The following KIAA1217 variants were observed in gnomAD, a reference collection of about 807,000 sequenced individuals.
The protein encoded by KIAA1217 is KIAA1217.
KIAA1217 carries 88 observed loss-of-function variants against 163.9 expected under a neutral mutation model. The observed-to-expected ratio is 0.54, with a 90% CI of 0.45 to 0.64. KIAA1217 has a LOEUF of 0.64. KIAA1217 is among the 30% of genes least tolerant of loss of function. KIAA1217 has a pLI of 0.00. For missense variants in KIAA1217, 2,372 were observed against 2,475.0 expected (o/e 0.96, Z 0.88); for synonymous variants, 903 against 923.1 (o/e 0.98, Z 0.39).
At chr10:24,225,195 A>G (rs1056961166) in intron 2 of KIAA1217, among the ~76,000 whole-genome samples, 1 of 152,156 alleles carries the variant, frequency 6.6e-6, no homozygotes, top group Non-Finnish European at 1.5e-5. Context: ...GCGTGATCAC[A>G]GCTCACTGCA....
At position 23,834,416 on chromosome 10, in the gene KIAA1217, C is replaced by T. The variant is rs112942547; in HGVS notation, c.-321+139182C>T. 5.2e-3 allele frequency among the ~76,000 whole-genome samples: 791 copies of T among 152,196 alleles called. 11 individuals carry two copies. The highest frequency in any genetic ancestry group is 0.017 in the African/African-American group (714 of 41,510). Reference sequence around the variant, plus strand: ...TACTTTTATAATATTTATTGAGTTACCAGTATATTCTAGGCATTATTCTAA... The same window carrying T: ...TACTTTTATAATATTTATTGAGTTATCAGTATATTCTAGGCATTATTCTAA... On this transcript the variant is annotated intron_variant, in intron 1 of 18. Transcript: ENST00000376462.
chr10:24,513,196 C>A, intron 9 of KIAA1217, 63 bp from the exon 10 acceptor site: 1 of 1,523,814 alleles, frequency 6.6e-7, no homozygotes, highest in Non-Finnish European at 9.0e-7. Context: ...GACTTCAAGG[C>A]ATTCACTCGC....
intron 1 of KIAA1217, among the ~76,000 whole-genome samples, chr10:23,784,202 T>C (rs1303277796): frequency 2.0e-5 from 3 of 152,180 alleles, no homozygotes; most frequent in African/African-American, 7.2e-5. Flanking sequence ...TCTTTGTTTC[T>C]TGTGACAATT....
chr10:24,445,169 G>A (rs1397758415), intron 5 of KIAA1217, among the ~76,000 whole-genome samples: 2 of 152,062 alleles, frequency 1.3e-5, no homozygotes, highest in South Asian at 4.1e-4. Flanking sequence ...CGTTTTCACA[G>A]GTGATAAAAC....
At position 24,532,005 on chromosome 10, in the gene KIAA1217, T is replaced by C. The variant is rs768313755; in HGVS notation, c.3246+12T>C. The C allele has an allele frequency of 8.1e-6, 12 of 1,489,124 alleles. No individual in the cohort carries two copies. The highest frequency in any genetic ancestry group is 1.1e-5 in the Non-Finnish European group (12 of 1,108,978). The allele number at this position is 1,489,124 out of a possible 1,614,324, so 92.2% of individuals were successfully genotyped here. A position where few individuals can be genotyped will look rare whatever the true frequency, so the allele number is the denominator to read the frequency against. On this transcript the variant is annotated intron_variant, in intron 15 of 20. Coordinates refer to ENST00000376454, the MANE Select transcript of KIAA1217 (RefSeq NM_019590.5). ...ACATCACCGCTAAGGTCTGATAGGC[T>C]AAGCCCTGGTAAACTGGCCTCTGGG...
intron 2 of KIAA1217, among the ~76,000 whole-genome samples, chr10:24,174,457 T>C (rs181993953): frequency 1.4e-4 from 22 of 152,332 alleles, no homozygotes; most frequent in African/African-American, 5.3e-4. Context: ...AAGCTATACC[T>C]TGAAACCCCA....
At chr10:24,202,639 A>T (rs1685612788) in intron 2 of KIAA1217, among the ~76,000 whole-genome samples, 1 of 152,102 alleles carries the variant, frequency 6.6e-6, no homozygotes, top group Non-Finnish European at 1.5e-5. Flanking sequence ...TAGCAGCTCC[A>T]CGTCTCCTCT....
chr10:24,050,353 T>C (rs761949734), intron 2 of KIAA1217, among the ~76,000 whole-genome samples: 3 of 152,238 alleles, frequency 2.0e-5, no homozygotes, highest in Non-Finnish European at 4.4e-5. Flanking sequence ...CCATTGCTTC[T>C]GGTGTTTTAG....
At chr10:24,219,039 T>G (rs1336606637) in intron 1 of KIAA1217, among the ~76,000 whole-genome samples, 1 of 152,148 alleles carries the variant, frequency 6.6e-6, no homozygotes, top group Non-Finnish European at 1.5e-5. Flanking sequence ...CTTTCTATAA[T>G]TACAGACAAG....
In KIAA1217 at chr10:24,349,580, C is replaced by T. The variant is rs552972467; in HGVS notation, c.355-31289C>T. ...GACAGCCTGTTTCCAAGCCTGTGCCCTTTGCAAAACACCTTCTTTTGCCTG... is the reference window on the plus strand; with the variant it reads ...GACAGCCTGTTTCCAAGCCTGTGCCTTTTGCAAAACACCTTCTTTTGCCTG... On this transcript the variant is annotated intron_variant, in intron 2 of 20. Coordinates refer to ENST00000376454, the MANE Select transcript of KIAA1217 (RefSeq NM_019590.5). Among the ~76,000 whole-genome samples, 7 of 152,304 alleles carry T rather than the reference C, an allele frequency of 4.6e-5. No homozygotes were observed. In the East Asian group the frequency reaches 1.4e-3, roughly 29 times the overall value.
At chr10:24,268,688 A>T (rs920018188) in intron 2 of KIAA1217, among the ~76,000 whole-genome samples, 1 of 87,780 alleles carries the variant, frequency 1.1e-5, no homozygotes, top group South Asian at 3.2e-4. Context: ...ATACCATTTG[A>T]CCCAGCCATC....
At chr10:24,044,369 T>A (rs1848836845) in intron 2 of KIAA1217, among the ~76,000 whole-genome samples, 1 of 152,150 alleles carries the variant, frequency 6.6e-6, no homozygotes, top group African/African-American at 2.4e-5. Context: ...CACTAAGATT[T>A]TTGTGTTAGT....
At position 24,524,526 on chromosome 10, in the gene KIAA1217, CGCAGAGCTCCCCTGT is replaced by C; in HGVS notation, c.2662_2676del (p.Gln888_Val892del). The C allele has an allele frequency of 6.2e-7, 1 of 1,614,100 alleles. No homozygotes were observed. The highest frequency in any genetic ancestry group is 1.1e-5 in the South Asian group (1 of 91,084). On this transcript the variant is annotated inframe_deletion, in exon 13 of 21. Coordinates refer to ENST00000376454, the MANE Select transcript of KIAA1217 (RefSeq NM_019590.5). ...TTGTCCGGCATGATGGTTCGCCACG[CGCAGAGCTCCCCTGT>C]GGTCATCCAGCCCTCCCAGCACTCC...
intron 2 of KIAA1217, among the ~76,000 whole-genome samples, chr10:24,048,000 C>G (rs1849165670): frequency 6.6e-6 from 1 of 152,156 alleles, no homozygotes; most frequent in Non-Finnish European, 1.5e-5. Flanking sequence ...TATACTTTTT[C>G]TAGTATTTTC....
At chr10:23,948,081 C>T (rs1439357764) in intron 1 of KIAA1217, among the ~76,000 whole-genome samples, 2 of 152,112 alleles carry the variant, frequency 1.3e-5, no homozygotes, top group African/African-American at 4.8e-5. Flanking sequence ...TGTTTGCTTT[C>T]GTGAGGTTGT....
intron 1 of KIAA1217, among the ~76,000 whole-genome samples, chr10:23,798,540 T>G (rs1836316162): frequency 6.6e-6 from 1 of 152,306 alleles, no homozygotes; most frequent in South Asian, 2.1e-4. Flanking sequence ...AGACTACCTC[T>G]TGAGTATAGT....
chr10:24,406,392 A>AACACACACACACAC (rs34564889), intron 3 of KIAA1217, among the ~76,000 whole-genome samples: 167 of 133,878 alleles, frequency 1.2e-3, no homozygotes, highest in African/African-American at 5.5e-3. Flanking sequence ...TTCACACACA[A>AACACACACACACAC]ACACACACAC....
chr10:24,062,581 T>C (rs988065822), intron 2 of KIAA1217, among the ~76,000 whole-genome samples: 5 of 151,274 alleles, frequency 3.3e-5, no homozygotes, highest in Non-Finnish European at 7.4e-5. Context: ...CTATTGTGAA[T>C]AGTGCCGTAA....
chr10:23,964,151 CT>C, intron 1 of KIAA1217, among the ~76,000 whole-genome samples: 1 of 152,198 alleles, frequency 6.6e-6, no homozygotes, highest in East Asian at 1.9e-4. Context: ...ATCCACCCGC[CT>C]CAGCCTCCCA....
Sources: allele counts gnomAD v4.1 joint callset (sites outside exome capture counted in the v4.1 genomes callset), GRCh38; gene constraint gnomAD v4.1.1; transcripts MANE v1.5; gene names NCBI Gene and HGNC (gene_info 2026-07-23, HGNC 2026-07-21).